The following PTPRD variants were observed in gnomAD, a reference collection of about 807,000 sequenced individuals.
The protein encoded by PTPRD is protein tyrosine phosphatase receptor type D, also known as receptor-type tyrosine-protein phosphatase delta.
In PTPRD, 34 loss-of-function variants were observed where a neutral mutation model predicts 214.5. That is an observed-to-expected ratio of 0.16 (90% CI 0.12 to 0.21). The LOEUF (loss-of-function observed/expected upper bound fraction) is 0.21. Among genes scored for constraint, PTPRD ranks in the 10% least tolerant of loss-of-function variants. The pLI, the probability that PTPRD is intolerant of heterozygous loss-of-function variation, is 1.00. For synonymous variants in PTPRD, 1,128 were observed against 845.7 expected (o/e 1.33, Z -5.79); for missense variants, 2,545 against 2,398.7 (o/e 1.06, Z -1.27).
chr9:10,102,377 C>A (rs2154215299), intron 3 of PTPRD, among the ~76,000 whole-genome samples: 1 of 150,686 alleles, frequency 6.6e-6, no homozygotes, highest in South Asian at 2.1e-4. Flanking sequence ...GTACAGAAAG[C>A]TCCAGATTAT....
chr9:10,413,300 T>C (rs925863520), intron 2 of PTPRD, among the ~76,000 whole-genome samples: 1 of 151,872 alleles, frequency 6.6e-6, no homozygotes, highest in Non-Finnish European at 1.5e-5. Context: ...TCAATAGTAT[T>C]CCTGTACACC....
intron 35 of PTPRD, among the ~76,000 whole-genome samples, chr9:8,409,597 T>C (rs2093347556): frequency 6.6e-6 from 1 of 152,182 alleles, no homozygotes; most frequent in South Asian, 2.1e-4. Context: ...CTGAAGTCAT[T>C]ATCTTAAAGC....
intron 10 of PTPRD, among the ~76,000 whole-genome samples, chr9:9,030,042 C>T (rs1486888454): frequency 1.3e-5 from 2 of 151,702 alleles, no homozygotes; most frequent in Admixed American, 1.3e-4. Flanking sequence ...ATAAATTGAT[C>T]AGTCAAGAAA....
chr9:9,980,627 AAAAAAAAC>A (rs1271363461), intron 4 of PTPRD, among the ~76,000 whole-genome samples: 1,776 of 110,146 alleles, frequency 0.016, 464 homozygotes, highest in Middle Eastern at 0.03. Context: ...ACAAAAAAAA[AAAAAAAAC>A]AAAAAAAAAA....
intron 3 of PTPRD, among the ~76,000 whole-genome samples, chr9:10,062,266 C>G (rs1041852590): frequency 6.6e-6 from 1 of 151,980 alleles, no homozygotes; most frequent in East Asian, 1.9e-4. Context: ...TAATTGTATT[C>G]CACCAAGCAC....
intron 10 of PTPRD, among the ~76,000 whole-genome samples, chr9:9,045,237 C>G (rs1272320647): frequency 6.6e-6 from 1 of 152,132 alleles, no homozygotes; most frequent in Non-Finnish European, 1.5e-5. Context: ...AGAGAGCTTG[C>G]TGGAAATCAG....
intron 9 of PTPRD, among the ~76,000 whole-genome samples, chr9:9,351,607 G>A (rs2051178490): frequency 6.6e-6 from 1 of 152,036 alleles, no homozygotes; most frequent in Non-Finnish European, 1.5e-5. Context: ...AGTCAGTACA[G>A]CAAACCAAGA....
intron 9 of PTPRD, among the ~76,000 whole-genome samples, chr9:9,239,833 G>A (rs2099969472): frequency 6.6e-6 from 1 of 152,112 alleles, no homozygotes; most frequent in Non-Finnish European, 1.5e-5. Flanking sequence ...TTTGGCTTGT[G>A]CTCTATCCCT....
rs562604247 is a variant in PTPRD, at chr9:8,529,795, A to T, written c.353-1016T>A. On this transcript the variant is annotated intron_variant, in intron 14 of 45. Coordinates refer to ENST00000381196, the MANE Select transcript of PTPRD (RefSeq NM_002839.4). ...ATGGCCATTTGTTTGAAGATCATGA[A>T]TTTTTGTTATTATACTTTAAGTTCT... Among the ~76,000 whole-genome samples the T allele has an allele frequency of 9.9e-5, 15 of 152,228 alleles. No homozygotes were observed. In the East Asian group the frequency reaches 2.7e-3, roughly 27 times the overall value.
intron 11 of PTPRD, among the ~76,000 whole-genome samples, 172 bp from the exon 12 acceptor site, chr9:8,734,118 G>C (rs946078882): frequency 2.0e-5 from 3 of 152,152 alleles, no homozygotes; most frequent in East Asian, 1.9e-4. Context: ...AAATAACTTG[G>C]TTTGTAAAAT....
chr9:10,150,602 T>C (rs1190116626), intron 3 of PTPRD, among the ~76,000 whole-genome samples: 3 of 150,954 alleles, frequency 2.0e-5, no homozygotes, highest in Admixed American at 1.3e-4. Context: ...AGCACATGTA[T>C]ACATATGTAA....
At chr9:8,404,516 G>C in intron 36 of PTPRD, 21 bp downstream of exon 36, 4 of 1,601,700 alleles carry the variant, frequency 2.5e-6, no homozygotes, top group African/African-American at 1.3e-5. Context: ...AAAGGTATCA[G>C]TGATGTCTGC....
chr9:8,915,363 A>G (rs1237116487), intron 11 of PTPRD, among the ~76,000 whole-genome samples: 1 of 152,158 alleles, frequency 6.6e-6, no homozygotes, highest in Non-Finnish European at 1.5e-5. Flanking sequence ...GGTGGTGACC[A>G]TTGAATTTAG....
chr9:8,857,030 C>T (rs932671375), intron 11 of PTPRD, among the ~76,000 whole-genome samples: 3 of 152,254 alleles, frequency 2.0e-5, no homozygotes, highest in African/African-American at 7.2e-5. Context: ...CCCTTCCCTA[C>T]GGAATGAATG....
chr9:9,959,656 G>T (rs539645266), intron 4 of PTPRD, among the ~76,000 whole-genome samples: 1 of 152,152 alleles, frequency 6.6e-6, no homozygotes, highest in South Asian at 2.1e-4. Flanking sequence ...TAATGCTAGA[G>T]GCAAAAGGAG....
In PTPRD at chr9:8,695,528, TG is replaced by T. The variant is rs1209915044; in HGVS notation, c.64+38251del. ...AATGTCTGTCAATAGTCTGTTTATA[TG>T]CCCAGACACTATCAGATACCAATTT... On this transcript the variant is annotated intron_variant, in intron 12 of 45. Transcript: ENST00000381196. 3.2e-3 allele frequency among the ~76,000 whole-genome samples: 491 copies of T among 152,292 alleles called. 2 individuals are homozygous for T. The highest frequency in any genetic ancestry group is 0.011 in the African/African-American group (466 of 41,578).
rs143285249 is a variant in PTPRD, at chr9:9,287,533, C to T, written c.-202-104170G>A. Among the ~76,000 whole-genome samples, 274 of 151,932 alleles carry T rather than the reference C, an allele frequency of 1.8e-3. 1 individual carries two copies. The highest frequency in any genetic ancestry group is 6.3e-3 in the African/African-American group (261 of 41,498). ...AAATTACTCAGTACGTTATCATTTA[C>T]GGCAGAATTATGTTTATAAATCATG... On this transcript the variant is annotated intron_variant, in intron 9 of 45. Transcript: ENST00000381196.
At chr9:9,769,824 T>C (rs908556844) in intron 5 of PTPRD, among the ~76,000 whole-genome samples, 55 of 152,264 alleles carry the variant, frequency 3.6e-4, no homozygotes, top group African/African-American at 1.3e-3. Flanking sequence ...GTGTTCTCAT[T>C]GTTCAACTCC....
chr9:9,282,499 T>A (rs772590934), intron 9 of PTPRD, among the ~76,000 whole-genome samples: 28 of 151,534 alleles, frequency 1.8e-4, no homozygotes, highest in Middle Eastern at 3.4e-3. Flanking sequence ...TCAGATGGTT[T>A]TAGTTTTTCT....
Sources: allele counts gnomAD v4.1 joint callset (sites outside exome capture counted in the v4.1 genomes callset), GRCh38; gene constraint gnomAD v4.1.1; transcripts MANE v1.5; gene names NCBI Gene and HGNC (gene_info 2026-07-23, HGNC 2026-07-21).